Variants in AUTS2 observed in about 807,000 individuals in gnomAD.
AUTS2 encodes the protein activator of transcription and developmental regulator AUTS2.
AUTS2 carries 17 observed loss-of-function variants against 112.4 expected under a neutral mutation model. That is an observed-to-expected ratio of 0.15 (90% CI 0.10 to 0.23). AUTS2 has a LOEUF of 0.23. Ranked by LOEUF, AUTS2 falls within the 10% of genes least tolerant of loss-of-function variation. The pLI, the probability that AUTS2 is intolerant of heterozygous loss-of-function variation, is 1.00. For missense variants in AUTS2, 1,510 were observed against 1,701.6 expected (o/e 0.89, Z 1.98); for synonymous variants, 751 against 702.7 (o/e 1.07, Z -1.09).
intron 1 of AUTS2, among the ~76,000 whole-genome samples, chr7:69,670,157 A>G (rs1796250867): frequency 6.6e-6 from 1 of 152,190 alleles, no homozygotes; most frequent in South Asian, 2.1e-4. Context: ...CTTGGAATTC[A>G]GAACTTGGTG....
intron 2 of AUTS2, among the ~76,000 whole-genome samples, chr7:69,900,695 A>G (rs1161575961): frequency 6.6e-6 from 1 of 152,196 alleles, no homozygotes; most frequent in Non-Finnish European, 1.5e-5. Context: ...TGGTGTCAGA[A>G]TTCTGCCTTA....
rs940285562 is a variant in AUTS2, at chr7:69,606,148, C to G, written c.309+6186C>G. Among the ~76,000 whole-genome samples, 4 of 152,090 alleles carry G rather than the reference C, an allele frequency of 2.6e-5. No homozygotes were observed. The East Asian group carries it at 7.7e-4, about 29-fold the overall frequency. ...CCTGAGAGTAGTGTTCTGTAGTTCT[C>G]ACTGTTGAAAAAGGGTTAAGAAAAC... On this transcript the variant is annotated intron_variant, in intron 1 of 18. Transcript: ENST00000342771.
chr7:70,270,175 G>A (rs137883117), intron 4 of AUTS2, among the ~76,000 whole-genome samples: 18 of 152,200 alleles, frequency 1.2e-4, no homozygotes, highest in Non-Finnish European at 2.2e-4. Flanking sequence ...TTTAAGGTAG[G>A]CCAGTTATTA....
chr7:70,167,950 G>C lies in AUTS2; in HGVS notation c.660+33379G>C, dbSNP rs527996559. On this transcript the variant is annotated intron_variant, in intron 4 of 18. Coordinates refer to ENST00000342771, the MANE Select transcript of AUTS2 (RefSeq NM_015570.4). ...AATTGATGACAGTGACATTCTCTCGGAATTTATATTAATGTAGTGCACAAT... is the reference window on the plus strand; with the variant it reads ...AATTGATGACAGTGACATTCTCTCGCAATTTATATTAATGTAGTGCACAAT... Among the ~76,000 whole-genome samples, 140 of 152,230 alleles carry C rather than the reference G, an allele frequency of 9.2e-4. 2 individuals are homozygous for C. Among genetic ancestry groups the C allele is most frequent in the Middle Eastern group, 3.4e-3 (1 of 292 alleles).
chr7:70,485,405 G>C (rs1446134029), intron 5 of AUTS2, among the ~76,000 whole-genome samples: 1 of 152,140 alleles, frequency 6.6e-6, no homozygotes, highest in Non-Finnish European at 1.5e-5. Context: ...TTACCTATAA[G>C]TGGGAGCTAA....
chr7:70,428,231 A>G (rs1795510645), intron 4 of AUTS2, among the ~76,000 whole-genome samples: 1 of 152,190 alleles, frequency 6.6e-6, no homozygotes, highest in African/African-American at 2.4e-5. Flanking sequence ...CAAAACCAAT[A>G]TGAGAGCAAT....
chr7:70,283,415 A>G (rs571129010), intron 4 of AUTS2, among the ~76,000 whole-genome samples: 1 of 152,150 alleles, frequency 6.6e-6, no homozygotes, highest in South Asian at 2.1e-4. Context: ...CTAAAAAACT[A>G]CACTAACAAA....
At chr7:70,578,342 G>A (rs1431693038) in intron 5 of AUTS2, among the ~76,000 whole-genome samples, 2 of 152,220 alleles carry the variant, frequency 1.3e-5, no homozygotes, top group African/African-American at 4.8e-5. Flanking sequence ...AGGCATCAAA[G>A]GCTAAATCGA....
intron 1 of AUTS2, among the ~76,000 whole-genome samples, chr7:69,788,718 A>G (rs552945162): frequency 3.3e-5 from 5 of 151,868 alleles, no homozygotes; most frequent in Admixed American, 6.6e-5. Flanking sequence ...TTACTTGACC[A>G]TTATTCATAA....
intron 1 of AUTS2, among the ~76,000 whole-genome samples, chr7:69,882,141 A>T (rs558428177): frequency 8.1e-6 from 1 of 123,640 alleles, no homozygotes; most frequent in South Asian, 2.8e-4. Context: ...CAAGAGCGAA[A>T]CTCTGTCTCA....
intron 2 of AUTS2, among the ~76,000 whole-genome samples, chr7:70,078,537 C>T (rs1803146398): frequency 6.6e-6 from 1 of 152,186 alleles, no homozygotes; most frequent in South Asian, 2.1e-4. Context: ...GCAGTATTTT[C>T]TTTCTCTTTT....
At chr7:69,776,112 A>T (rs1479505540) in intron 1 of AUTS2, among the ~76,000 whole-genome samples, 1 of 152,188 alleles carries the variant, frequency 6.6e-6, no homozygotes, top group African/African-American at 2.4e-5. Flanking sequence ...TCGTCATCAT[A>T]TGACTAATGT....
chr7:70,214,054 C>T (rs558329808), intron 4 of AUTS2, among the ~76,000 whole-genome samples: 37 of 152,196 alleles, frequency 2.4e-4, no homozygotes, highest in African/African-American at 8.4e-4. Flanking sequence ...GAGGATTAGA[C>T]CTAATTATAT....
chr7:69,688,396 G>A (rs572309349), intron 1 of AUTS2, among the ~76,000 whole-genome samples: 1 of 152,178 alleles, frequency 6.6e-6, no homozygotes, highest in African/African-American at 2.4e-5. Flanking sequence ...AGTTTATTTT[G>A]TACTTGGAAA....
At chr7:70,570,854 CA>C (rs1389596031) in intron 5 of AUTS2, among the ~76,000 whole-genome samples, 1 of 152,074 alleles carries the variant, frequency 6.6e-6, no homozygotes. Flanking sequence ...CCTTAGTGTA[CA>C]GGGGCACCCA....
At chr7:69,952,107 T>G (rs934618904) in intron 2 of AUTS2, among the ~76,000 whole-genome samples, 3 of 151,908 alleles carry the variant, frequency 2.0e-5, no homozygotes, top group Admixed American at 2.0e-4. Flanking sequence ...GATTGAACCC[T>G]TTTTTTTGTA....
At chr7:70,357,370 G>C (rs1405820221) in intron 4 of AUTS2, among the ~76,000 whole-genome samples, 1 of 152,160 alleles carries the variant, frequency 6.6e-6, no homozygotes, top group Non-Finnish European at 1.5e-5. Context: ...TATGGCTTGT[G>C]TTCTGACCCA....
intron 2 of AUTS2, among the ~76,000 whole-genome samples, chr7:69,927,898 TA>T (rs1262920509): frequency 6.6e-6 from 1 of 152,230 alleles, no homozygotes; most frequent in Non-Finnish European, 1.5e-5. Context: ...AGAGGGGTAT[TA>T]CCGGGCTACC....
At chr7:70,630,670 G>A (rs954357133) in intron 5 of AUTS2, among the ~76,000 whole-genome samples, 3 of 152,180 alleles carry the variant, frequency 2.0e-5, no homozygotes, top group Non-Finnish European at 4.4e-5. Context: ...TCCAAGGGTG[G>A]GGAATCATTG....
Sources: allele counts gnomAD v4.1 joint callset (sites outside exome capture counted in the v4.1 genomes callset), GRCh38; gene constraint gnomAD v4.1.1; transcripts MANE v1.5; gene names NCBI Gene and HGNC (gene_info 2026-07-23, HGNC 2026-07-21).